The following SCML1 variants were observed in gnomAD, a reference collection of about 807,000 sequenced individuals.
SCML1 encodes Scm polycomb group protein like 1.
For missense variants in SCML1, 137 were observed against 258.1 expected (o/e 0.53, Z 3.22); for synonymous variants, 104 against 103.6 (o/e 1.00, Z -0.02).
At chrX:17,752,261 C>T (rs1024485033) in intron 7 of SCML1, among the ~76,000 whole-genome samples, 4 of 111,244 alleles carry the variant, frequency 3.6e-5, no homozygotes, top group Non-Finnish European at 7.5e-5. Context: ...AAGATCCTCC[C>T]CCTATCTGCT....
chrX:17,745,631 C>T (rs2066635827), intron 3 of SCML1, 92 bp downstream of exon 3: 1 of 481,084 alleles, frequency 2.1e-6, no homozygotes, highest in Non-Finnish European at 3.5e-6. Context: ...TTCCCGTAAA[C>T]TCACACTCAA....
chrX:17,750,026 C>G lies in SCML1; in HGVS notation c.436C>G (p.Arg146Gly). ...SYSPTLPVSR[R>G]ENNSPSNLPR... is the part of the protein sequence containing the mutation. ...CAGCCCCACTTTACCAGTGTCAAGG[C>G]GTGAGAATAATTCCCCGAGCAACCT... Residue 146 changes from arginine to glycine, a missense_variant, in exon 6 of 8, where the codon CGT (arginine) becomes GGT (glycine). Coordinates refer to ENST00000380041, the MANE Select transcript of SCML1 (RefSeq NM_001037540.3). The G allele has an allele frequency of 4.1e-6, 5 of 1,211,667 alleles. No individual in the cohort carries two copies. The highest frequency in any genetic ancestry group is 5.6e-6 in the Non-Finnish European group (5 of 895,402).
chrX:17,753,029 T>C (rs1464355143), intron 7 of SCML1, among the ~76,000 whole-genome samples: 1 of 109,965 alleles, frequency 9.1e-6, no homozygotes, highest in Non-Finnish European at 1.9e-5. Context: ...GATATTATGT[T>C]AAATTTCCTT....
chrX:17,744,112 A>G lies in SCML1; in HGVS notation c.-75A>G. The G allele has an allele frequency of 1.0e-6, 1 of 952,419 alleles. No individual in the cohort carries two copies. The allele number at this position is 952,419 out of a possible 1,213,427, so 78.5% of individuals were successfully genotyped here. On this transcript the variant is annotated 5_prime_UTR_variant, in exon 2 of 8. Coordinates refer to ENST00000380041, the MANE Select transcript of SCML1 (RefSeq NM_001037540.3). Reference sequence around the variant, plus strand: ...CTCTTAGGTGACTAAGCAGTATCACAAATAAACCCTCCAGCAAGTTTAAAA... The same window carrying G: ...CTCTTAGGTGACTAAGCAGTATCACGAATAAACCCTCCAGCAAGTTTAAAA...
chrX:17,747,392 G>C (rs781518458), intron 4 of SCML1, among the ~76,000 whole-genome samples: 1 of 111,000 alleles, frequency 9.0e-6, no homozygotes, highest in Admixed American at 9.5e-5. Flanking sequence ...CACTTCTCTT[G>C]CTTCCCATCC....
intron 1 of SCML1, among the ~76,000 whole-genome samples, chrX:17,743,141 A>G (rs1300653848): frequency 8.9e-6 from 1 of 112,237 alleles, no homozygotes; most frequent in African/African-American, 3.2e-5. Context: ...TTAGAGAGGT[A>G]TTTTATAACT....
In SCML1 at chrX:17,750,051, T is replaced by C; in HGVS notation, c.461T>C (p.Leu154Pro). The stretch of plus-strand genomic sequence containing the variant: ...CGTGAGAATAATTCCCCGAGCAACC[T>C]TCCAAGGCCATCCTTTTGCATGGAA... Reference protein sequence around the residue: ...SRRENNSPSNLPRPSFCMEEY... With the variant: ...SRRENNSPSNPPRPSFCMEEY... Residue 154 changes from leucine to proline, a missense_variant, in exon 6 of 8, where the codon CTT becomes CCT. Physicochemically the swap from Leu to Pro is moderately conservative, Grantham distance 98. Coordinates refer to ENST00000380041, the MANE Select transcript of SCML1 (RefSeq NM_001037540.3). 1 of 1,212,037 alleles carries C rather than the reference T, an allele frequency of 8.3e-7. No individual in the cohort carries two copies. Among genetic ancestry groups the C allele is most frequent in the Non-Finnish European group, 1.1e-6 (1 of 895,543 alleles).
Position 17,753,401 on chromosome X carries a change from TTGTGCAAATTTAGATTGG to T in SCML1, c.*10_*27del. The T allele has an allele frequency of 8.9e-7, 1 of 1,119,215 alleles. No individual in the cohort carries two copies. The highest frequency in any genetic ancestry group is 1.2e-6 in the Non-Finnish European group (1 of 844,252). The allele number at this position is 1,119,215 out of a possible 1,213,427, so 92.2% of individuals were successfully genotyped here. On this transcript the variant is annotated 3_prime_UTR_variant, in exon 8 of 8. Transcript: ENST00000380041. The stretch of plus-strand genomic sequence containing the variant: ...AATGCTTTGAAAATTGAAAAAATCC[TTGTGCAAATTTAGATTGG>T]GCCAACTTCTAGAGGCACCAATGCC...
At chrX:17,739,575 G>A (rs185873826) in intron 1 of SCML1, among the ~76,000 whole-genome samples, 151 of 110,861 alleles carry the variant, frequency 1.4e-3, no homozygotes, top group Non-Finnish European at 2.5e-3. Flanking sequence ...TTGGCCAGGC[G>A]CGGTGGCTCA....
At chrX:17,741,855 A>G (rs2066598394) in intron 1 of SCML1, among the ~76,000 whole-genome samples, 1 of 111,461 alleles carries the variant, frequency 9.0e-6, no homozygotes, top group Non-Finnish European at 1.9e-5. Context: ...GTTTCCTCAT[A>G]AGGAAAATGA....
At position 17,753,296 on chromosome X, in the gene SCML1, C is replaced by T. The variant is rs775194097; in HGVS notation, c.894C>T (p.Asp298=). ...AGGCTCTGCTCCTACTCACGAGTGA[C>T]GTGTTGCTGAAGCACTTGGGGGTGA... The part of the protein sequence containing the change: ...DGKALLLLTS[D]VLLKHLGVKL... Residue 298 remains aspartate, a synonymous_variant, in exon 8 of 8, where the codon GAC becomes GAT. Coordinates refer to ENST00000380041, the MANE Select transcript of SCML1 (RefSeq NM_001037540.3). 5 of 1,183,306 alleles carry T rather than the reference C, an allele frequency of 4.2e-6. No individual in the cohort carries two copies. Among genetic ancestry groups the T allele is most frequent in the East Asian group, 6.0e-5 (2 of 33,117 alleles).
At position 17,749,413 on chromosome X, in the gene SCML1, C is replaced by T; in HGVS notation, c.212C>T (p.Ala71Val). The T allele has an allele frequency of 1.7e-6, 2 of 1,164,382 alleles. No homozygotes were observed. Among genetic ancestry groups the T allele is most frequent in the Non-Finnish European group, 2.3e-6 (2 of 858,530 alleles). The change falls in exon 5 of 8, where the codon GCT becomes GTT. Residue 71 changes from alanine (A) to valine (V), a missense_variant. By Grantham distance (64) the Ala-to-Val change is moderately conservative. Coordinates refer to ENST00000380041, the MANE Select transcript of SCML1 (RefSeq NM_001037540.3). Reference protein sequence around the residue: ...VLIHCQVIYDALQNLDKKIDV... With the variant: ...VLIHCQVIYDVLQNLDKKIDV... ...GTATTATAATAGGTTATATATGATG[C>T]TCTGCAAAACCTGGATAAGAAGATT...
chrX:17,753,233 A>G, intron 7 of SCML1, 25 bp from the exon 8 acceptor site: 2 of 1,100,908 alleles, frequency 1.8e-6, no homozygotes, highest in Non-Finnish European at 2.4e-6. Context: ...ATTATTAATT[A>G]TCGTTAAGTT....
chrX:17,751,960 A>G lies in SCML1; in HGVS notation c.849A>G (p.Arg283=), dbSNP rs1380537285. 8.3e-7 allele frequency: 1 copy of G among 1,207,716 alleles called. No homozygotes were observed. Among genetic ancestry groups the G allele is most frequent in the African/African-American group, 1.8e-5 (1 of 57,103 alleles). ...TATGCCCTCTTGTCGACCTCTTCAGAAGCCATGTAATGTATCTTTTGATCC... is the reference window on the plus strand; with the variant it reads ...TATGCCCTCTTGTCGACCTCTTCAGGAGCCATGTAATGTATCTTTTGATCC... The part of the protein sequence containing the change: ...LALCPLVDLF[R]SHEIDGKALL... Residue 283 remains arginine (R), a synonymous_variant, in exon 7 of 8, where the codon AGA becomes AGG. Coordinates refer to ENST00000380041, the MANE Select transcript of SCML1 (RefSeq NM_001037540.3).
At chrX:17,747,004 C>A (rs1245963184) in intron 4 of SCML1, among the ~76,000 whole-genome samples, 5 of 112,327 alleles carry the variant, frequency 4.5e-5, no homozygotes. Context: ...CTGCCTTGTT[C>A]TTTCATCCCA....
At chrX:17,737,758 C>T (rs961713888) in intron 1 of SCML1, 78 bp downstream of exon 1, 82 of 111,719 alleles carry the variant, frequency 7.3e-4, no homozygotes, top group African/African-American at 2.5e-3. Flanking sequence ...GGCCGGGGCT[C>T]TCCTGAGGAG....
Position 17,744,195 on chromosome X carries a change from T to C in SCML1, c.9T>C (p.Ser3=). 8.3e-7 allele frequency: 1 copy of C among 1,206,217 alleles called. No individual in the cohort carries two copies. Among genetic ancestry groups the C allele is most frequent in the Non-Finnish European group, 1.1e-6 (1 of 890,665 alleles). ...TCTCCTGTTGCACAAAAATGATGTC[T>C]AACAGCTCCAGTGAAATCGATGTGG... is the stretch of plus-strand genomic sequence containing the variant. The part of the protein sequence containing the change: MM[S]NSSSEIDVIK... Residue 3 remains serine, a synonymous_variant, in exon 2 of 8, where the codon TCT becomes TCC. Transcript: ENST00000380041.
intron 6 of SCML1, among the ~76,000 whole-genome samples, chrX:17,751,353 CTG>C (rs2066705417): frequency 8.9e-6 from 1 of 112,216 alleles, no homozygotes; most frequent in African/African-American, 3.2e-5. Flanking sequence ...AATTATAAAA[CTG>C]TAAATTTGGA....
In SCML1 at chrX:17,754,402, C is replaced by T. The variant is rs1209259232; in HGVS notation, c.*1010C>T. 1 of 110,286 alleles carries T rather than the reference C, an allele frequency of 9.1e-6. No homozygotes were observed. Among genetic ancestry groups the T allele is most frequent in the East Asian group, 2.8e-4 (1 of 3,582 alleles). The allele number at this position is 110,286 out of a possible 1,213,427, so 9.1% of individuals were successfully genotyped here. Reference sequence around the variant, plus strand: ...AATGGATTATTTGCCATCATTAGTACCTCTCAACTTACTTTTTAGAGGACA... The same window carrying T: ...AATGGATTATTTGCCATCATTAGTATCTCTCAACTTACTTTTTAGAGGACA... On this transcript the variant is annotated 3_prime_UTR_variant, in exon 8 of 8. Coordinates refer to ENST00000380041, the MANE Select transcript of SCML1 (RefSeq NM_001037540.3).
Sources: gnomAD v4.1 joint callset for allele counts (sites outside exome capture counted in the v4.1 genomes callset) on GRCh38, gnomAD v4.1.1 for gene constraint, MANE v1.5 for transcripts, NCBI Gene and HGNC (gene_info 2026-07-23, HGNC 2026-07-21) for gene names.